ARHGAP23: variants seen among roughly 807,000 people sequenced by gnomAD.
ARHGAP23 encodes Rho GTPase activating protein 23.
In ARHGAP23, 34 loss-of-function variants were observed where a neutral mutation model predicts 136.3. The observed-to-expected ratio is 0.25, with a 90% CI of 0.19 to 0.33. ARHGAP23 has a LOEUF of 0.33. Among genes scored for constraint, ARHGAP23 ranks in the 10% least tolerant of loss-of-function variants. The probability of loss-of-function intolerance (pLI) is 1.00; values close to 1 mark genes in which losing one functional copy is unlikely to be tolerated. For missense variants in ARHGAP23, 1,808 were observed against 2,139.0 expected (o/e 0.85, Z 3.05); for synonymous variants, 832 against 920.5 (o/e 0.90, Z 1.74).
rs577651686 is a variant in ARHGAP23, at chr17:38,446,509, A to G, written c.64-11593A>G. On this transcript the variant is annotated intron_variant, in intron 1 of 23. Coordinates refer to ENST00000622683, the MANE Select transcript of ARHGAP23 (RefSeq NM_001199417.2). The stretch of plus-strand genomic sequence containing the variant: ...GGCTGTTGTGAATAACACTGCTACA[A>G]ACATGGGTGTACAAACATTTCTTCT... Among the ~76,000 whole-genome samples the G allele has an allele frequency of 2.0e-5, 3 of 152,222 alleles. No homozygotes were observed. The South Asian group carries it at 6.2e-4, about 32-fold the overall frequency.
Position 38,469,259 on chromosome 17 carries a change from C to T in ARHGAP23, c.1764C>T (p.Thr588=), listed in dbSNP as rs778362145. ...TGGGCACCAGCCCATCTTCCCCGAC[C>T]TTCACTTTCACCCTCGGACGCCATT... ...PVLGTSPSSP[T]FTFTLGRHYS... The change falls in exon 8 of 24, where the codon ACC becomes ACT. Residue 588 remains threonine (T), a synonymous_variant. Transcript: ENST00000622683. 3 of 1,551,504 alleles carry T rather than the reference C, an allele frequency of 1.9e-6. No homozygotes were observed. In the South Asian group the frequency reaches 3.6e-5, roughly 18 times the overall value.
chr17:38,504,770 A>G (rs1342019101), intron 23 of ARHGAP23, among the ~76,000 whole-genome samples: 1 of 152,110 alleles, frequency 6.6e-6, no homozygotes, highest in Non-Finnish European at 1.5e-5. Flanking sequence ...TAGATGTGAC[A>G]GTCCTGTCTG....
intron 14 of ARHGAP23, among the ~76,000 whole-genome samples, chr17:38,480,532 G>A (rs2040011891): frequency 1.3e-5 from 2 of 152,002 alleles, no homozygotes; most frequent in Non-Finnish European, 2.9e-5. Context: ...TACTCAGGAG[G>A]CTGAGGCAGG....
At chr17:38,442,451 G>T (rs890419565) in intron 1 of ARHGAP23, among the ~76,000 whole-genome samples, 1 of 152,230 alleles carries the variant, frequency 6.6e-6, no homozygotes, top group Admixed American at 6.5e-5. Flanking sequence ...CCCACCCTGG[G>T]CCAGGAACCA....
At chr17:38,442,717 G>A (rs913697231) in intron 1 of ARHGAP23, among the ~76,000 whole-genome samples, 4 of 152,240 alleles carry the variant, frequency 2.6e-5, no homozygotes, top group East Asian at 3.8e-4. Context: ...CCCGAGGCTG[G>A]AAGGGTGCCT....
intron 1 of ARHGAP23, among the ~76,000 whole-genome samples, chr17:38,429,940 C>T (rs1597734107): frequency 6.6e-6 from 1 of 152,182 alleles, no homozygotes; most frequent in Non-Finnish European, 1.5e-5. Flanking sequence ...CCTTGGCATG[C>T]GATTTGAATC....
rs1202647103 is a variant in ARHGAP23 at position 38,466,660 on chromosome 17, C to T, written c.977C>T (p.Pro326Leu). Residue 326 changes from proline (P) to leucine (L), a missense_variant, in exon 7 of 24, where the codon CCC (proline) becomes CTC (leucine). Physicochemically the swap from Pro to Leu is moderately conservative, Grantham distance 98 (BLOSUM62 -3). This residue lies in a region of ARHGAP23 where 859 missense variants were observed against 936.4 expected (regional missense o/e 0.92). Coordinates refer to ENST00000622683, the MANE Select transcript of ARHGAP23 (RefSeq NM_001199417.2). Reference sequence around the variant, plus strand: ...GACCGGTTGGAGGAGGTGGCTGCCCCCCGCCCGTGGCCCTGCTCCACCTCC... The same window carrying T: ...GACCGGTTGGAGGAGGTGGCTGCCCTCCGCCCGTGGCCCTGCTCCACCTCC... Reference protein sequence around the residue: ...SQDRLEEVAAPRPWPCSTSQD... With the variant: ...SQDRLEEVAALRPWPCSTSQD... 3.0e-5 allele frequency: 45 copies of T among 1,512,286 alleles called. No homozygotes were observed. The highest frequency in any genetic ancestry group is 1.1e-5 in the Non-Finnish European group (13 of 1,132,978). 93.7% of individuals were successfully genotyped at this position (1,512,286 alleles called of 1,614,324 possible).
chr17:38,460,447 C>T (rs892849490), intron 2 of ARHGAP23, among the ~76,000 whole-genome samples: 1 of 152,210 alleles, frequency 6.6e-6, no homozygotes, highest in Admixed American at 6.5e-5. Context: ...CCCTTGTCCA[C>T]AGTGCCTTCT....
At chr17:38,422,072 T>C (rs2144456655) in intron 1 of ARHGAP23, among the ~76,000 whole-genome samples, 1 of 152,242 alleles carries the variant, frequency 6.6e-6, no homozygotes, top group East Asian at 1.9e-4. Flanking sequence ...CTGTAGAATT[T>C]AGCATCCTGA....
intron 11 of ARHGAP23, among the ~76,000 whole-genome samples, chr17:38,475,233 G>A (rs1367118683): frequency 6.6e-6 from 1 of 152,244 alleles, no homozygotes; most frequent in Non-Finnish European, 1.5e-5. Flanking sequence ...AGGAGGGAAA[G>A]GGACAGTGAC....
intron 1 of ARHGAP23, among the ~76,000 whole-genome samples, chr17:38,449,612 ATG>A (rs2039114220): frequency 6.6e-6 from 1 of 152,128 alleles, no homozygotes; most frequent in South Asian, 2.1e-4. Context: ...CGGGGCGGGC[ATG>A]TGTCAGTATC....
Position 38,510,084 on chromosome 17 carries a change from G to A in ARHGAP23, c.3588G>A (p.Glu1196=). ...GSSTDDDSEQ[E]AHKPGAGATA... ...GCACCGACGACGACTCGGAGCAGGA[G>A]GCGCACAAGCCTGGGGCGGGGGCCA... Residue 1196 remains glutamate, a synonymous_variant, in exon 24 of 24, where the codon GAG becomes GAA. Coordinates refer to ENST00000622683, the MANE Select transcript of ARHGAP23 (RefSeq NM_001199417.2). The surrounding 1 kb of genome is among the most constrained non-coding windows in gnomAD (Gnocchi z 4.6). The A allele has an allele frequency of 1.6e-6, 2 of 1,241,018 alleles. No homozygotes were observed. The allele number at this position is 1,241,018 out of a possible 1,614,324, so 76.9% of individuals were successfully genotyped here. A position where few individuals can be genotyped will look rare whatever the true frequency, so the allele number is the denominator to read the frequency against.
chr17:38,470,929 A>G (rs1017036213), intron 10 of ARHGAP23, among the ~76,000 whole-genome samples: 19 of 151,048 alleles, frequency 1.3e-4, no homozygotes, highest in Non-Finnish European at 1.5e-5. Flanking sequence ...AAAATCATAC[A>G]TATATTTTTC....
chr17:38,491,657 G>A, intron 20 of ARHGAP23, 125 bp downstream of exon 20: 1 of 1,306,956 alleles, frequency 7.7e-7, no homozygotes, highest in Non-Finnish European at 1.0e-6. Context: ...TTTAGAGCAT[G>A]CTGCTAGGGT....
chr17:38,429,313 TC>T (rs1236026881), intron 1 of ARHGAP23, among the ~76,000 whole-genome samples: 1 of 152,114 alleles, frequency 6.6e-6, no homozygotes, highest in Non-Finnish European at 1.5e-5. Flanking sequence ...CCCAGCCCCA[TC>T]CCCCCATCAG....
chr17:38,462,575 A>C (rs2039487471), intron 3 of ARHGAP23, among the ~76,000 whole-genome samples: 1 of 152,096 alleles, frequency 6.6e-6, no homozygotes, highest in African/African-American at 2.4e-5. Flanking sequence ...TTTTTAGTGT[A>C]GTTTTTAGCA....
chr17:38,430,331 C>T (rs755540027), intron 1 of ARHGAP23, among the ~76,000 whole-genome samples: 9 of 151,928 alleles, frequency 5.9e-5, no homozygotes, highest in Admixed American at 2.6e-4. Context: ...TGTCTGACTA[C>T]GGGAATAGGT....
chr17:38,428,977 G>A (rs1195839282), intron 1 of ARHGAP23, among the ~76,000 whole-genome samples: 2 of 152,178 alleles, frequency 1.3e-5, no homozygotes, highest in African/African-American at 2.4e-5. Flanking sequence ...GAGAGGGGGT[G>A]GGGGAGGGGG....
At chr17:38,441,900 G>C (rs2038929149) in intron 1 of ARHGAP23, among the ~76,000 whole-genome samples, 1 of 152,076 alleles carries the variant, frequency 6.6e-6, no homozygotes, top group East Asian at 1.9e-4. Context: ...CTGGGGTGAG[G>C]GCACAGAGAT....
Sources: gnomAD v4.1 joint callset for allele counts (sites outside exome capture counted in the v4.1 genomes callset) on GRCh38, gnomAD v4.1.1 for gene constraint, gnomAD v4.1.1 regional missense constraint, Gnocchi (gnomAD v3.1) non-coding constraint, MANE v1.5 for transcripts, NCBI Gene and HGNC (gene_info 2026-07-23, HGNC 2026-07-21) for gene names.